NAV2: variants seen among roughly 807,000 people sequenced by gnomAD.
NAV2 encodes the protein neuron navigator 2.
A neutral mutation model predicts 223.2 loss-of-function variants in NAV2; 54 were observed. That is an observed-to-expected ratio of 0.24 (90% CI 0.19 to 0.30). NAV2 has a LOEUF of 0.30. Among genes scored for constraint, NAV2 ranks in the 10% least tolerant of loss-of-function variants. The pLI is 1.00. For synonymous variants in NAV2, 1,279 were observed against 1,239.3 expected (o/e 1.03, Z -0.67); for missense variants, 2,806 against 3,147.5 (o/e 0.89, Z 2.60).
At chr11:19,418,608 A>T (rs1319221474) in intron 1 of NAV2, among the ~76,000 whole-genome samples, 1 of 152,228 alleles carries the variant, frequency 6.6e-6, no homozygotes, top group African/African-American at 2.4e-5. Context: ...GGCACATTTA[A>T]GGAACTGAAA....
At chr11:20,064,386 A>C (rs2058903561) in intron 20 of NAV2, among the ~76,000 whole-genome samples, 1 of 152,202 alleles carries the variant, frequency 6.6e-6, no homozygotes, top group South Asian at 2.1e-4. Context: ...CTCTAGCTTC[A>C]CAGGACTGGC....
At chr11:19,795,136 G>A (rs981596203) in intron 1 of NAV2, among the ~76,000 whole-genome samples, 3 of 152,102 alleles carry the variant, frequency 2.0e-5, no homozygotes, top group Admixed American at 6.5e-5. Flanking sequence ...CTTTCTAACA[G>A]TTTTCCTGTA....
intron 11 of NAV2, among the ~76,000 whole-genome samples, chr11:20,001,779 C>A (rs962650364): frequency 6.6e-6 from 1 of 151,850 alleles, no homozygotes. Context: ...GGGTGCAGCA[C>A]ACCAACATGG....
At chr11:19,482,336 A>T (rs2042305316) in intron 1 of NAV2, among the ~76,000 whole-genome samples, 1 of 152,154 alleles carries the variant, frequency 6.6e-6, no homozygotes, top group South Asian at 2.1e-4. Flanking sequence ...GCCTCTAGTA[A>T]TGAGAATATG....
At chr11:19,967,730 C>T (rs934313487) in intron 10 of NAV2, among the ~76,000 whole-genome samples, 2 of 152,158 alleles carry the variant, frequency 1.3e-5, no homozygotes, top group African/African-American at 2.4e-5. Flanking sequence ...CCAGATATTA[C>T]AGAAGGGGTT....
chr11:20,086,913 C>G (rs1304966940), intron 26 of NAV2, among the ~76,000 whole-genome samples: 1 of 152,130 alleles, frequency 6.6e-6, no homozygotes, highest in Admixed American at 6.5e-5. Context: ...ATATCCAGGT[C>G]AACCAGCCTG....
At chr11:19,477,622 G>A (rs1202316027) in intron 1 of NAV2, among the ~76,000 whole-genome samples, 1 of 152,188 alleles carries the variant, frequency 6.6e-6, no homozygotes, top group African/African-American at 2.4e-5. Context: ...CAACCTTCAT[G>A]AGGGTCCCCA....
At chr11:19,444,430 G>C (rs1021003107) in intron 1 of NAV2, among the ~76,000 whole-genome samples, 6 of 152,078 alleles carry the variant, frequency 3.9e-5, no homozygotes, top group African/African-American at 1.2e-4. Context: ...CAAATACAGC[G>C]TGGATAGAAG....
chr11:19,791,380 G>A (rs952094324), intron 1 of NAV2, among the ~76,000 whole-genome samples: 4 of 152,136 alleles, frequency 2.6e-5, no homozygotes, highest in Admixed American at 6.5e-5. Flanking sequence ...ATCTGCTGGG[G>A]CCTCTGAACA....
intron 1 of NAV2, among the ~76,000 whole-genome samples, chr11:19,530,035 G>A (rs1010463051): frequency 8.5e-5 from 13 of 152,084 alleles, no homozygotes; most frequent in East Asian, 3.9e-4. Flanking sequence ...GGAAACCATC[G>A]GCCCAACAAA....
At chr11:19,811,151 A>T (rs1471653041) in intron 1 of NAV2, among the ~76,000 whole-genome samples, 3 of 152,210 alleles carry the variant, frequency 2.0e-5, no homozygotes, top group Non-Finnish European at 2.9e-5. Flanking sequence ...TCTAAATATT[A>T]TCCAGTTCAG....
chr11:19,984,934 C>G (rs189447091), intron 11 of NAV2, among the ~76,000 whole-genome samples: 60 of 152,272 alleles, frequency 3.9e-4, no homozygotes, highest in East Asian at 5.8e-4. Context: ...TTCTATGATC[C>G]CTTCCAGTTC....
At position 20,107,794 on chromosome 11, in the gene NAV2, C is replaced by A. The variant is rs775695135; in HGVS notation, c.6960+12C>A. The stretch of plus-strand genomic sequence containing the variant: ...GAGAAGGACTCCAGGTGAGAAGACA[C>A]CCCTGCTGGCTTCCTTGAAGCTGAG... On this transcript the variant is annotated intron_variant, in intron 36 of 37. Transcript: ENST00000349880. 9 of 1,565,756 alleles carry A rather than the reference C, an allele frequency of 5.7e-6. No individual in the cohort carries two copies. The East Asian group carries it at 1.3e-4, about 23-fold the overall frequency.
chr11:19,372,125 G>A (rs1311116631), intron 1 of NAV2, among the ~76,000 whole-genome samples: 2 of 152,086 alleles, frequency 1.3e-5, no homozygotes, highest in Admixed American at 6.6e-5. Flanking sequence ...CTGTTGGTAA[G>A]GAATTGGAAA....
At chr11:19,607,089 G>A (rs186457474) in intron 1 of NAV2, among the ~76,000 whole-genome samples, 418 of 152,324 alleles carry the variant, frequency 2.7e-3, no homozygotes, top group Admixed American at 6.1e-3. Flanking sequence ...TGCAGAGCAG[G>A]CCGGTAACCA....
intron 8 of NAV2, among the ~76,000 whole-genome samples, chr11:19,944,273 G>A (rs991253177): frequency 1.3e-5 from 2 of 152,190 alleles, no homozygotes; most frequent in East Asian, 1.9e-4. Flanking sequence ...CCTAGCTTGT[G>A]TGTGGCATAT....
intron 11 of NAV2, among the ~76,000 whole-genome samples, chr11:20,012,802 A>G (rs533932662): frequency 6.6e-6 from 1 of 152,286 alleles, no homozygotes; most frequent in East Asian, 1.9e-4. Context: ...CAATGTGCCA[A>G]TTACCAGTCT....
At chr11:19,383,821 T>G (rs532459384) in intron 1 of NAV2, among the ~76,000 whole-genome samples, 22 of 152,368 alleles carry the variant, frequency 1.4e-4, no homozygotes, top group African/African-American at 5.3e-4. Flanking sequence ...GAGAGAGTAG[T>G]TAGACAATAT....
intron 1 of NAV2, among the ~76,000 whole-genome samples, chr11:19,740,204 G>A (rs748842716): frequency 1.3e-5 from 2 of 152,216 alleles, no homozygotes; most frequent in African/African-American, 2.4e-5. Context: ...GCCCTGAAGT[G>A]TGAAGGGGTT....
Sources: gnomAD v4.1 joint callset for allele counts (sites outside exome capture counted in the v4.1 genomes callset) on GRCh38, gnomAD v4.1.1 for gene constraint, MANE v1.5 for transcripts, NCBI Gene and HGNC (gene_info 2026-07-23, HGNC 2026-07-21) for gene names.